The following KIF26B variants were observed in gnomAD, a reference collection of about 807,000 sequenced individuals.
KIF26B encodes the protein kinesin family member 26B, also known as kinesin-like protein KIF26B.
A neutral mutation model predicts 151.2 loss-of-function variants in KIF26B; 63 were observed. That is an observed-to-expected ratio of 0.42 (90% CI 0.34 to 0.51). The LOEUF is 0.51. Among genes scored for constraint, KIF26B ranks in the 20% least tolerant of loss-of-function variants. The pLI, the probability that KIF26B is intolerant of heterozygous loss-of-function variation, is 0.07. For synonymous variants in KIF26B, 1,357 were observed against 1,262.1 expected (o/e 1.08, Z -1.59); for missense variants, 2,813 against 2,913.6 (o/e 0.97, Z 0.79).
Position 245,270,193 on chromosome 1 carries a change from T to TC in KIF26B, c.466-96640dup, listed in dbSNP as rs1558369352. Among the ~76,000 whole-genome samples, 15 of 80,286 alleles carry TC rather than the reference T, an allele frequency of 1.9e-4. 2 individuals are homozygous for TC. The highest frequency in any genetic ancestry group is 2.7e-4 in the Admixed American group (2 of 7,462). The allele number at this position is 80,286 out of a possible 152,430, so 52.7% of individuals were successfully genotyped here. A position where few individuals can be genotyped will look rare whatever the true frequency, so the allele number is the denominator to read the frequency against. On this transcript the variant is annotated intron_variant, in intron 2 of 14. Transcript: ENST00000407071. The stretch of plus-strand genomic sequence containing the variant: ...TCCCTTCTTCCCTTCCATTCCTTCT[T>TC]CTTTTCCCTTCCCTTTCTTCTTCCC...
intron 3 of KIF26B, among the ~76,000 whole-genome samples, chr1:245,389,338 C>G (rs1043244537): frequency 6.6e-6 from 1 of 152,014 alleles, no homozygotes; most frequent in East Asian, 1.9e-4. Flanking sequence ...GTCTTGAACT[C>G]CTGACCTCAG....
chr1:245,252,102 AAAAT>A (rs1333164449), intron 2 of KIF26B, among the ~76,000 whole-genome samples: 2 of 151,720 alleles, frequency 1.3e-5, no homozygotes, highest in Non-Finnish European at 2.9e-5. Flanking sequence ...GTCTCTGCTA[AAAAT>A]ACTACTAAAA....
At chr1:245,659,349 T>C (rs939882344) in intron 10 of KIF26B, among the ~76,000 whole-genome samples, 2 of 152,234 alleles carry the variant, frequency 1.3e-5, no homozygotes, top group Non-Finnish European at 2.9e-5. Flanking sequence ...GATATGAGTC[T>C]GACACCCACC....
intron 4 of KIF26B, among the ~76,000 whole-genome samples, chr1:245,468,193 G>A (rs1357972334): frequency 1.3e-5 from 2 of 152,178 alleles, no homozygotes; most frequent in Admixed American, 6.5e-5. Context: ...TCCATCGTAA[G>A]ACTATTTTTA....
chr1:245,280,365 CAAAA>C (rs1191254237), intron 2 of KIF26B, among the ~76,000 whole-genome samples: 2 of 129,640 alleles, frequency 1.5e-5, no homozygotes, highest in Non-Finnish European at 3.3e-5. Flanking sequence ...ACAAAAAATA[CAAAA>C]AAAAAAAAAA....
At position 245,706,653 on chromosome 1, in the gene KIF26B, G is replaced by C. The variant is rs945117545; in HGVS notation, c.*4047G>C. Reference sequence around the variant, plus strand: ...TTAAACCCTGAAAACTTGCCAGTGAGAAAGAGGTTGAAAGTCCTGTTTGCT... The same window carrying C: ...TTAAACCCTGAAAACTTGCCAGTGACAAAGAGGTTGAAAGTCCTGTTTGCT... On this transcript the variant is annotated 3_prime_UTR_variant, in exon 15 of 15. Coordinates refer to ENST00000407071, the MANE Select transcript of KIF26B (RefSeq NM_018012.4). The C allele has an allele frequency of 6.6e-6, 1 of 152,200 alleles. No homozygotes were observed. Among genetic ancestry groups the C allele is most frequent in the Non-Finnish European group, 1.5e-5 (1 of 68,034 alleles). The allele number at this position is 152,200 out of a possible 1,614,324, so 9.4% of individuals were successfully genotyped here. A position where few individuals can be genotyped will look rare whatever the true frequency, so the allele number is the denominator to read the frequency against.
intron 2 of KIF26B, among the ~76,000 whole-genome samples, chr1:245,270,973 G>A (rs777830888): frequency 7.2e-5 from 11 of 152,108 alleles, no homozygotes; most frequent in Non-Finnish European, 1.5e-4. Context: ...TTTTGCATGT[G>A]GGTATCTAGT....
intron 2 of KIF26B, among the ~76,000 whole-genome samples, chr1:245,276,406 T>A (rs1670939597): frequency 6.6e-6 from 1 of 152,154 alleles, no homozygotes; most frequent in South Asian, 2.1e-4. Flanking sequence ...CAGGGAGAAG[T>A]AAGGAGTTAG....
rs2042994571 is a variant in KIF26B at position 245,564,938 on chromosome 1, A to G, written c.1350+23988A>G. Among the ~76,000 whole-genome samples the G allele has an allele frequency of 6.6e-6, 1 of 152,140 alleles. No homozygotes were observed. Among genetic ancestry groups the G allele is most frequent in the Non-Finnish European group, 1.5e-5 (1 of 68,030 alleles). On this transcript the variant is annotated intron_variant, in intron 5 of 14. Transcript: ENST00000407071. The surrounding 1 kb of genome is among the most constrained non-coding windows in gnomAD (Gnocchi z 4.6). ...AGGCAGAGTTCAAGTGGTAACGCTT[A>G]CCTTCTGCTGTGTGGCCTGCTTCTT...
At chr1:245,522,017 C>A (rs1211723653) in intron 4 of KIF26B, among the ~76,000 whole-genome samples, 2 of 151,566 alleles carry the variant, frequency 1.3e-5, no homozygotes, top group Non-Finnish European at 3.0e-5. Flanking sequence ...CTACAGGCAC[C>A]CGCCACCATG....
chr1:245,347,534 CT>C (rs1672479516), intron 2 of KIF26B, among the ~76,000 whole-genome samples: 1 of 152,134 alleles, frequency 6.6e-6, no homozygotes, highest in Non-Finnish European at 1.5e-5. Context: ...ATTTTCCAGG[CT>C]GGTCTTGAAC....
intron 5 of KIF26B, among the ~76,000 whole-genome samples, chr1:245,599,438 C>T (rs574330174): frequency 5.9e-5 from 9 of 152,340 alleles, no homozygotes; most frequent in South Asian, 2.1e-4. Flanking sequence ...GCCGCAGGCT[C>T]GGGATTTCGT....
chr1:245,203,321 G>A (rs535951793), intron 2 of KIF26B, among the ~76,000 whole-genome samples: 3 of 151,778 alleles, frequency 2.0e-5, no homozygotes, highest in South Asian at 2.1e-4. Flanking sequence ...TGGGCACAAC[G>A]ATCGTTGCTT....
chr1:245,256,683 G>A (rs1670542488), intron 2 of KIF26B, among the ~76,000 whole-genome samples: 1 of 152,184 alleles, frequency 6.6e-6, no homozygotes, highest in Non-Finnish European at 1.5e-5. Flanking sequence ...GGAATGGGCT[G>A]TGGGACGTGC....
intron 2 of KIF26B, among the ~76,000 whole-genome samples, chr1:245,208,452 G>T (rs536215635): frequency 6.6e-6 from 1 of 152,234 alleles, no homozygotes; most frequent in South Asian, 2.1e-4. Flanking sequence ...GCTTGCTGGC[G>T]AGTGGGATTG....
At chr1:245,200,462 C>T (rs1046355206) in intron 2 of KIF26B, among the ~76,000 whole-genome samples, 1 of 152,200 alleles carries the variant, frequency 6.6e-6, no homozygotes, top group Non-Finnish European at 1.5e-5. Context: ...ACAGCAGATG[C>T]TGTCTGGCAC....
Position 245,196,844 on chromosome 1 carries a change from C to T in KIF26B, c.465+40161C>T, listed in dbSNP as rs549868238. Among the ~76,000 whole-genome samples, 108 of 152,298 alleles carry T rather than the reference C, an allele frequency of 7.1e-4. 2 individuals are homozygous for T. Among genetic ancestry groups the T allele is most frequent in the South Asian group, 1.2e-3 (6 of 4,824 alleles). Reference sequence around the variant, plus strand: ...TTCCGAGCATACCCTGCTTTGACCACGGTCCTATTACCCCTATCCTCAGAG... The same window carrying T: ...TTCCGAGCATACCCTGCTTTGACCATGGTCCTATTACCCCTATCCTCAGAG... On this transcript the variant is annotated intron_variant, in intron 2 of 14. Transcript: ENST00000407071.
At chr1:245,209,316 G>A (rs1307441454) in intron 2 of KIF26B, among the ~76,000 whole-genome samples, 14 of 152,014 alleles carry the variant, frequency 9.2e-5, no homozygotes, top group African/African-American at 2.2e-4. Context: ...CAGGAGAATC[G>A]CTTGAACCCG....
chr1:245,454,297 G>C (rs7520929), intron 4 of KIF26B, among the ~76,000 whole-genome samples: 14,071 of 152,122 alleles, frequency 0.092, 757 homozygotes, highest in African/African-American at 0.14. Context: ...ACTTAACATT[G>C]CCTTCTTACT....
Sources: gnomAD v4.1 joint callset for allele counts (sites outside exome capture counted in the v4.1 genomes callset) on GRCh38, gnomAD v4.1.1 for gene constraint, Gnocchi (gnomAD v3.1) non-coding constraint, MANE v1.5 for transcripts, NCBI Gene and HGNC (gene_info 2026-07-23, HGNC 2026-07-21) for gene names.